The following DDX46 variants were observed in gnomAD, a reference collection of about 807,000 sequenced individuals.
The protein encoded by DDX46 is probable ATP-dependent RNA helicase DDX46.
Under a neutral mutation model 134.9 loss-of-function variants are expected in DDX46, and 30 were observed. That is an observed-to-expected ratio of 0.22 (90% CI 0.17 to 0.30). The LOEUF (loss-of-function observed/expected upper bound fraction) is 0.30. Ranked by LOEUF, DDX46 falls within the 10% of genes least tolerant of loss-of-function variation. The probability of loss-of-function intolerance (pLI) is 1.00; values close to 1 mark genes in which losing one functional copy is unlikely to be tolerated. For synonymous variants in DDX46, 415 were observed against 404.1 expected (o/e 1.03, Z -0.32); for missense variants, 622 against 1,248.7 (o/e 0.50, Z 7.56).
Position 134,807,736 on chromosome 5 carries a change from A to G in DDX46, c.1955-12A>G, listed in dbSNP as rs1755031966. On this transcript the variant is annotated splice_polypyrimidine_tract_variant and intron_variant, in intron 15 of 22. Coordinates refer to ENST00000452510, the MANE Select transcript of DDX46 (RefSeq NM_001300860.2). The stretch of plus-strand genomic sequence containing the variant: ...TTTGAACATGTTTTAAAGCTCTCTA[A>G]TTTACTTGCAGGCATTGATCAATAT... 1 of 1,600,038 alleles carries G rather than the reference A, an allele frequency of 6.2e-7. No homozygotes were observed. The highest frequency in any genetic ancestry group is 8.5e-7 in the Non-Finnish European group (1 of 1,171,738).
chr5:134,777,469 T>C, intron 5 of DDX46, 105 bp from the exon 6 acceptor site: 1 of 1,255,410 alleles, frequency 8.0e-7, no homozygotes, highest in Non-Finnish European at 1.1e-6. Flanking sequence ...GGAAAAGGGG[T>C]GTTTGGGCAG....
chr5:134,824,361 A>G (rs1484198068), intron 21 of DDX46, among the ~76,000 whole-genome samples: 1 of 152,112 alleles, frequency 6.6e-6, no homozygotes, highest in Non-Finnish European at 1.5e-5. Flanking sequence ...GGGAGGCCGA[A>G]GCGGGCGGAT....
intron 5 of DDX46, 33 bp downstream of exon 5, chr5:134,773,894 C>T (rs761611858): frequency 3.3e-6 from 5 of 1,521,624 alleles, no homozygotes; most frequent in Non-Finnish European, 4.4e-6. Flanking sequence ...CTGTATAACA[C>T]CTCATGTAGA....
chr5:134,770,769 A>T, intron 3 of DDX46, 134 bp from the exon 4 acceptor site: 1 of 654,068 alleles, frequency 1.5e-6, no homozygotes, highest in Non-Finnish European at 2.4e-6. Context: ...CTGAGATCGC[A>T]CCATTTCACT....
chr5:134,820,260 A>G (rs1202455175), intron 21 of DDX46, among the ~76,000 whole-genome samples: 2 of 151,410 alleles, frequency 1.3e-5, no homozygotes, highest in Admixed American at 6.6e-5. Flanking sequence ...TGGTATTTTA[A>G]GTGGTTTTTG....
At chr5:134,767,444 C>G (rs958152618) in intron 3 of DDX46, among the ~76,000 whole-genome samples, 1 of 152,018 alleles carries the variant, frequency 6.6e-6, no homozygotes, top group Non-Finnish European at 1.5e-5. Flanking sequence ...TCAAGCAATC[C>G]TCTCACCTAG....
chr5:134,808,729 C>G (rs1467955850), intron 16 of DDX46, among the ~76,000 whole-genome samples: 3 of 152,170 alleles, frequency 2.0e-5, no homozygotes, highest in Non-Finnish European at 4.4e-5. Flanking sequence ...CACCTGTATT[C>G]TAGAAACTGT....
rs1394383770 is a variant in DDX46, at chr5:134,796,008, G to A, written c.1812G>A (p.Lys604=). ...TTCAGATTGTGATTGAAGAAGAAAA[G>A]AAATTCTTGAAGTTACTTGAGCTTC... ...EQQVIVIEEE[K]KFLKLLELLG... The change falls in exon 15 of 23, where the codon AAG becomes AAA. Residue 604 remains lysine (K), a synonymous_variant. Coordinates refer to ENST00000452510, the MANE Select transcript of DDX46 (RefSeq NM_001300860.2). The A allele has an allele frequency of 6.2e-7, 1 of 1,612,890 alleles. No individual in the cohort carries two copies. The highest frequency in any genetic ancestry group is 1.3e-5 in the African/African-American group (1 of 74,860).
chr5:134,813,852 T>A (rs1012599594), intron 18 of DDX46, among the ~76,000 whole-genome samples: 1 of 151,774 alleles, frequency 6.6e-6, no homozygotes, highest in African/African-American at 2.4e-5. Context: ...CTGAAATTCC[T>A]GGGCTCAAGT....
rs142052380 is a variant in DDX46 at position 134,817,543 on chromosome 5, T to C, written c.2661T>C (p.Ile887=). 7 of 1,614,134 alleles carry C rather than the reference T, an allele frequency of 4.3e-6. No homozygotes were observed. Among genetic ancestry groups the C allele is most frequent in the Non-Finnish European group, 4.2e-6 (5 of 1,180,030 alleles). ...ATNAILRGGT[I]LAPTVSAKTI... ...ATGCAATTCTTAGGGGTGGCACCAT[T>C]CTGGCTCCCACTGTTTCTGCAAAAA... Residue 887 remains isoleucine (I), a synonymous_variant, in exon 20 of 23, where the codon ATT becomes ATC. Transcript: ENST00000452510.
At position 134,797,186 on chromosome 5, in the gene DDX46, A is replaced by AAAC. The variant is rs1754686994; in HGVS notation, c.1954+1038_1954+1039insCAA. The AAAC allele has an allele frequency of 1.0e-5, 3 of 291,154 alleles. No homozygotes were observed. In the Admixed American group the frequency reaches 1.4e-4, roughly 13 times the overall value. 18.0% of individuals were successfully genotyped at this position (291,154 alleles called of 1,614,324 possible). The stretch of plus-strand genomic sequence containing the variant: ...CCGTCTCAAAAAAAAAAAAAAAAAA[A>AAAC]AAAAAAAAAAACACAAAACACATGG... On this transcript the variant is annotated intron_variant, in intron 15 of 22. Coordinates refer to ENST00000452510, the MANE Select transcript of DDX46 (RefSeq NM_001300860.2).
At position 134,777,701 on chromosome 5, in the gene DDX46, A is replaced by C; in HGVS notation, c.741A>C (p.Val247=). ...EEVKKFNMRS[V]KGGGGNEKKS... ...TAAAAAAATTTAACATGAGAAGTGT[A>C]AAAGGTGGTGGGGGAAATGAAAAGG... Residue 247 remains valine, a synonymous_variant, in exon 6 of 23, where the codon GTA becomes GTC. Transcript: ENST00000452510. The C allele has an allele frequency of 6.2e-7, 1 of 1,609,072 alleles. No individual in the cohort carries two copies. Among genetic ancestry groups the C allele is most frequent in the East Asian group, 2.2e-5 (1 of 44,822 alleles).
At chr5:134,810,862 C>T (rs990973332) in intron 16 of DDX46, among the ~76,000 whole-genome samples, 5 of 151,686 alleles carry the variant, frequency 3.3e-5, no homozygotes, top group African/African-American at 7.3e-5. Context: ...AAAAATTAGC[C>T]GGGCATAGTG....
At chr5:134,812,221 C>T (rs1430583372) in intron 18 of DDX46, among the ~76,000 whole-genome samples, 1 of 151,874 alleles carries the variant, frequency 6.6e-6, no homozygotes, top group Non-Finnish European at 1.5e-5. Flanking sequence ...TCCACCACCA[C>T]GCCTGGCTAA....
chr5:134,763,058 C>CAA (rs35936033), intron 1 of DDX46, among the ~76,000 whole-genome samples: 1 of 144,454 alleles, frequency 6.9e-6, no homozygotes, highest in Admixed American at 6.9e-5. Context: ...GACTCTTTCT[C>CAA]AAAAAAAAAA....
chr5:134,815,724 A>G (rs1755271556), intron 18 of DDX46, among the ~76,000 whole-genome samples: 1 of 150,968 alleles, frequency 6.6e-6, no homozygotes, highest in Non-Finnish European at 1.5e-5. Flanking sequence ...AAAAAAAAAA[A>G]AAAAAAAAGA....
chr5:134,768,108 GA>G (rs1408318560), intron 3 of DDX46, among the ~76,000 whole-genome samples: 2 of 150,564 alleles, frequency 1.3e-5, no homozygotes, highest in East Asian at 2.0e-4. Flanking sequence ...AATAAGTGAA[GA>G]TTTTTTTTTT....
At chr5:134,811,098 A>T in intron 16 of DDX46, 123 bp from the exon 17 acceptor site, 1 of 805,216 alleles carries the variant, frequency 1.2e-6, no homozygotes, top group Non-Finnish European at 1.9e-6. Flanking sequence ...CGTGGCTTTT[A>T]AAATTCTTTA....
intron 21 of DDX46, among the ~76,000 whole-genome samples, chr5:134,821,192 C>T (rs1489931297): frequency 4.6e-5 from 7 of 151,992 alleles, no homozygotes; most frequent in Admixed American, 4.6e-4. Context: ...CGCCCACCAC[C>T]ATGCCCGGCT....
Sources: gnomAD v4.1 joint callset for allele counts (sites outside exome capture counted in the v4.1 genomes callset) on GRCh38, gnomAD v4.1.1 for gene constraint, MANE v1.5 for transcripts, NCBI Gene and HGNC (gene_info 2026-07-23, HGNC 2026-07-21) for gene names.